Variants in CAMK2D observed in about 807,000 individuals in gnomAD.
The protein encoded by CAMK2D is calcium/calmodulin-dependent protein kinase type II subunit delta.
Under a neutral mutation model 84.0 loss-of-function variants are expected in CAMK2D, and 37 were observed. That is an observed-to-expected ratio of 0.44 (90% CI 0.34 to 0.58). The LOEUF is 0.58. Ranked by LOEUF, CAMK2D falls within the 20% of genes least tolerant of loss-of-function variation. The pLI, the probability that CAMK2D is intolerant of heterozygous loss-of-function variation, is 0.02. For missense variants in CAMK2D, 448 were observed against 652.5 expected (o/e 0.69, Z 3.41); for synonymous variants, 202 against 212.5 (o/e 0.95, Z 0.43).
chr4:113,609,443 T>A (rs1273635449), intron 3 of CAMK2D, among the ~76,000 whole-genome samples: 1 of 152,226 alleles, frequency 6.6e-6, no homozygotes, highest in Non-Finnish European at 1.5e-5. Flanking sequence ...GCTTAACTTG[T>A]AATGATATTA....
intron 4 of CAMK2D, among the ~76,000 whole-genome samples, chr4:113,596,135 C>A (rs904993345): frequency 1.3e-5 from 2 of 152,186 alleles, no homozygotes; most frequent in Admixed American, 6.5e-5. Flanking sequence ...GATTCCATCT[C>A]AAGATACCAC....
chr4:113,557,880 A>T (rs1200683396), intron 4 of CAMK2D, among the ~76,000 whole-genome samples: 1 of 152,224 alleles, frequency 6.6e-6, no homozygotes, highest in South Asian at 2.1e-4. Context: ...GTACCTGTGC[A>T]TATATAAAAC....
chr4:113,748,522 T>C (rs939466875), intron 2 of CAMK2D, among the ~76,000 whole-genome samples: 1 of 152,066 alleles, frequency 6.6e-6, no homozygotes, highest in Non-Finnish European at 1.5e-5. Flanking sequence ...ATGTCTATAA[T>C]AGTGCCAGTC....
intron 2 of CAMK2D, among the ~76,000 whole-genome samples, chr4:113,665,736 CAT>C (rs1395385269): frequency 6.6e-6 from 1 of 152,176 alleles, no homozygotes; most frequent in Non-Finnish European, 1.5e-5. Flanking sequence ...AGCTCAAGTC[CAT>C]ACTCTTATAT....
chr4:113,572,383 A>G (rs1283719964), intron 4 of CAMK2D, among the ~76,000 whole-genome samples: 1 of 152,106 alleles, frequency 6.6e-6, no homozygotes, highest in Admixed American at 6.5e-5. Flanking sequence ...CATACACAGG[A>G]AAGGATGCTT....
chr4:113,740,668 A>G (rs768202203), intron 2 of CAMK2D, among the ~76,000 whole-genome samples: 62 of 152,114 alleles, frequency 4.1e-4, no homozygotes, highest in Non-Finnish European at 7.4e-5. Context: ...TGAGATGACT[A>G]CTAGATCTAA....
chr4:113,705,184 G>A (rs1420855597), intron 2 of CAMK2D, among the ~76,000 whole-genome samples: 4 of 151,088 alleles, frequency 2.6e-5, no homozygotes, highest in African/African-American at 7.3e-5. Context: ...AAAATTAGCC[G>A]GGCGTGGAGG....
Position 113,684,970 on chromosome 4 carries a change from G to C in CAMK2D, c.161-23198C>G, listed in dbSNP as rs144856776. Among the ~76,000 whole-genome samples the C allele has an allele frequency of 5.7e-3, 871 of 152,294 alleles. 4 individuals carry two copies. The highest frequency in any genetic ancestry group is 0.019 in the African/African-American group (803 of 41,546). On this transcript the variant is annotated intron_variant, in intron 2 of 20. Transcript: ENST00000511664. ...GCTGCTCCTCATCTCTCCCTGGAAA[G>C]AGCTGGCAGCAGATGACCAGACAGG... is the stretch of plus-strand genomic sequence containing the variant.
At chr4:113,498,917 G>A (rs1267372918) in intron 16 of CAMK2D, among the ~76,000 whole-genome samples, 2 of 152,092 alleles carry the variant, frequency 1.3e-5, no homozygotes, top group Non-Finnish European at 2.9e-5. Flanking sequence ...TCATGATTAC[G>A]TTCCTTGGCA....
intron 4 of CAMK2D, among the ~76,000 whole-genome samples, chr4:113,598,695 T>G (rs530918784): frequency 1.3e-5 from 2 of 152,300 alleles, no homozygotes; most frequent in African/African-American, 4.8e-5. Flanking sequence ...CATTTGTTTG[T>G]TTTGAGATGG....
Position 113,606,183 on chromosome 4 carries a change from T to C in CAMK2D, c.275+2969A>G, listed in dbSNP as rs991334568. 2.0e-5 allele frequency among the ~76,000 whole-genome samples: 3 copies of C among 151,912 alleles called. No individual in the cohort carries two copies. In the South Asian group the frequency reaches 6.2e-4, roughly 32 times the overall value. On this transcript the variant is annotated intron_variant, in intron 4 of 20. Transcript: ENST00000511664. ...AATATAACTGACATAAAAAACTCAA[T>C]GGATGGGCCAGGCACAGTGGCTCAT...
At chr4:113,660,656 G>T (rs955230917) in intron 3 of CAMK2D, among the ~76,000 whole-genome samples, 2 of 152,098 alleles carry the variant, frequency 1.3e-5, no homozygotes, top group Non-Finnish European at 2.9e-5. Context: ...CCTCCAAAGT[G>T]CTGGGATTAT....
intron 8 of CAMK2D, among the ~76,000 whole-genome samples, chr4:113,522,009 G>A (rs1369649746): frequency 6.6e-6 from 1 of 152,080 alleles, no homozygotes; most frequent in Non-Finnish European, 1.5e-5. Context: ...CTTATCTTAT[G>A]TATATATTTG....
intron 3 of CAMK2D, among the ~76,000 whole-genome samples, chr4:113,644,272 A>G (rs936035495): frequency 6.6e-6 from 1 of 152,240 alleles, no homozygotes; most frequent in Non-Finnish European, 1.5e-5. Context: ...AAATCTGCCA[A>G]ATGAAGACAA....
At chr4:113,532,665 G>A (rs1240135950) in intron 7 of CAMK2D, among the ~76,000 whole-genome samples, 2 of 152,254 alleles carry the variant, frequency 1.3e-5, no homozygotes, top group South Asian at 2.1e-4. Flanking sequence ...GTGAGAAATC[G>A]ATGCTAATGT....
chr4:113,491,097 A>G (rs1257732836), intron 16 of CAMK2D, among the ~76,000 whole-genome samples: 1 of 56,792 alleles, frequency 1.8e-5, no homozygotes, highest in Non-Finnish European at 3.3e-5. Context: ...AACAGGGACA[A>G]TTTGACTTCC....
intron 17 of CAMK2D, among the ~76,000 whole-genome samples, chr4:113,462,390 A>C (rs1245630237): frequency 3.3e-5 from 5 of 151,390 alleles, no homozygotes; most frequent in African/African-American, 1.2e-4. Context: ...CTACCCCATA[A>C]AAGGCTTTGT....
chr4:113,577,870 T>A (rs900897529), intron 4 of CAMK2D, among the ~76,000 whole-genome samples: 9 of 152,108 alleles, frequency 5.9e-5, no homozygotes, highest in African/African-American at 2.2e-4. Flanking sequence ...ACTCTGTATT[T>A]GTCATGAAAG....
chr4:113,596,816 T>C (rs1302207254), intron 4 of CAMK2D, among the ~76,000 whole-genome samples: 1 of 140,784 alleles, frequency 7.1e-6, no homozygotes, highest in South Asian at 2.4e-4. Context: ...TTAAGGGTCC[T>C]AGAATTTTTT....
Sources: allele counts gnomAD v4.1 joint callset (sites outside exome capture counted in the v4.1 genomes callset), GRCh38; gene constraint gnomAD v4.1.1; transcripts MANE v1.5; gene names NCBI Gene and HGNC (gene_info 2026-07-23, HGNC 2026-07-21).